The following ANKRD29 variants were observed in gnomAD, a reference collection of about 807,000 sequenced individuals.
ANKRD29 encodes ankyrin repeat domain-containing protein 29.
ANKRD29 carries 32 observed loss-of-function variants against 38.0 expected under a neutral mutation model. The ratio of observed to expected loss-of-function variants is 0.84; its 90% CI spans 0.64 to 1.13. The LOEUF is 1.13. ANKRD29 is among the 50% of genes most tolerant of loss of function. The pLI, the probability that ANKRD29 is intolerant of heterozygous loss-of-function variation, is 0.00. For missense variants in ANKRD29, 357 were observed against 377.9 expected (o/e 0.94, Z 0.46); for synonymous variants, 135 against 152.4 (o/e 0.89, Z 0.84).
intron 9 of ANKRD29, among the ~76,000 whole-genome samples, chr18:23,610,985 A>G (rs1027840520): frequency 6.6e-6 from 1 of 152,250 alleles, no homozygotes; most frequent in Non-Finnish European, 1.5e-5. Flanking sequence ...TGGCGCATGC[A>G]TTCTCTCAAG....
chr18:23,657,676 C>T (rs1001633793), intron 1 of ANKRD29, among the ~76,000 whole-genome samples: 8 of 152,208 alleles, frequency 5.3e-5, no homozygotes, highest in Non-Finnish European at 8.8e-5. Context: ...TAAATGGAAT[C>T]ATACAATATA....
At chr18:23,628,734 T>C (rs12956232) in intron 6 of ANKRD29, among the ~76,000 whole-genome samples, 88,841 of 151,402 alleles carry the variant, frequency 0.59, 27,099 homozygotes, top group Admixed American at 0.7. Flanking sequence ...TCCTAGCTAT[T>C]TGGGAGGCTG....
intron 6 of ANKRD29, among the ~76,000 whole-genome samples, chr18:23,628,127 G>T (rs1465668639): frequency 6.6e-6 from 1 of 152,148 alleles, no homozygotes; most frequent in East Asian, 1.9e-4. Context: ...AGATCATCAG[G>T]CTCATGCTGC....
intron 3 of ANKRD29, among the ~76,000 whole-genome samples, chr18:23,645,711 G>A (rs185302039): frequency 9.2e-5 from 14 of 152,310 alleles, no homozygotes; most frequent in African/African-American, 3.1e-4. Flanking sequence ...TGACCCATAC[G>A]GCTTTTTCCA....
chr18:23,622,823 T>A (rs2059812928), intron 6 of ANKRD29, among the ~76,000 whole-genome samples: 1 of 152,234 alleles, frequency 6.6e-6, no homozygotes, highest in Non-Finnish European at 1.5e-5. Flanking sequence ...CGCCTTGGTC[T>A]CCCACAGTGC....
chr18:23,627,675 T>C (rs1568024831), intron 6 of ANKRD29, among the ~76,000 whole-genome samples: 1 of 152,214 alleles, frequency 6.6e-6, no homozygotes, highest in East Asian at 1.9e-4. Context: ...TGCCAGAAAT[T>C]ATTTTGGAAG....
rs552502181 is a variant in ANKRD29 at position 23,623,894 on chromosome 18, C to T, written c.529-4265G>A. On this transcript the variant is annotated intron_variant, in intron 6 of 9. Transcript: ENST00000592179. ...TCCTGATCTTGTAATCTGCCCGCCT[C>T]GGCCTCCCAAAGTGCTGGGATTACA... Among the ~76,000 whole-genome samples the T allele has an allele frequency of 1.4e-4, 21 of 151,768 alleles. No individual in the cohort carries two copies. The East Asian group carries it at 3.9e-3, about 28-fold the overall frequency.
At chr18:23,644,391 A>C (rs1045022428) in intron 3 of ANKRD29, among the ~76,000 whole-genome samples, 2 of 152,236 alleles carry the variant, frequency 1.3e-5, no homozygotes, top group Non-Finnish European at 2.9e-5. Flanking sequence ...CATAAAGCAG[A>C]GAGGAAAAAT....
chr18:23,616,928 C>A (rs998987475), intron 8 of ANKRD29, among the ~76,000 whole-genome samples: 1 of 151,612 alleles, frequency 6.6e-6, no homozygotes, highest in African/African-American at 2.4e-5. Flanking sequence ...CAAAAATGAT[C>A]AAAATTTAGG....
At chr18:23,658,607 G>A (rs1210522296) in intron 1 of ANKRD29, among the ~76,000 whole-genome samples, 5 of 152,158 alleles carry the variant, frequency 3.3e-5, no homozygotes, top group Admixed American at 6.5e-5. Flanking sequence ...TATGTTGCAC[G>A]CAAGACAGAC....
chr18:23,650,007 T>C (rs891587222), intron 1 of ANKRD29, among the ~76,000 whole-genome samples: 78 of 150,328 alleles, frequency 5.2e-4, no homozygotes, highest in African/African-American at 1.9e-3. Flanking sequence ...GGATTACAGG[T>C]GTGAGCCACC....
chr18:23,661,383 C>G (rs558602395), intron 1 of ANKRD29, among the ~76,000 whole-genome samples: 1 of 152,188 alleles, frequency 6.6e-6, no homozygotes, highest in Non-Finnish European at 1.5e-5. Context: ...ATCTCTCTTG[C>G]CTTCCCTACT....
intron 1 of ANKRD29, chr18:23,649,644 C>A: frequency 2.2e-6 from 1 of 447,132 alleles, no homozygotes; most frequent in East Asian, 6.9e-5. Flanking sequence ...TTTACCTGCC[C>A]GTTTCCTAAG....
chr18:23,656,041 C>G (rs1254742550), intron 1 of ANKRD29, among the ~76,000 whole-genome samples: 2 of 145,654 alleles, frequency 1.4e-5, no homozygotes, highest in East Asian at 2.0e-4. Flanking sequence ...TGCAGTGAGC[C>G]GAGATCCCGC....
intron 1 of ANKRD29, among the ~76,000 whole-genome samples, chr18:23,660,230 A>G (rs1484221819): frequency 6.6e-6 from 1 of 152,266 alleles, no homozygotes; most frequent in African/African-American, 2.4e-5. Flanking sequence ...CTTGCTGATT[A>G]AAGCCATCCT....
chr18:23,612,055 T>C (rs2059649131), intron 9 of ANKRD29, 37 bp downstream of exon 9: 1 of 1,588,350 alleles, frequency 6.3e-7, no homozygotes, highest in Non-Finnish European at 8.6e-7. Flanking sequence ...GACACATCAA[T>C]GGGCCCAAAC....
chr18:23,649,244 A>C, intron 1 of ANKRD29, 51 bp from the exon 2 acceptor site: 1 of 1,330,646 alleles, frequency 7.5e-7, no homozygotes, highest in Non-Finnish European at 1.1e-6. Flanking sequence ...AGTTAACATG[A>C]CTGCTGCTAT....
chr18:23,605,677 C>T (rs987236436), intron 9 of ANKRD29, among the ~76,000 whole-genome samples: 62 of 151,992 alleles, frequency 4.1e-4, no homozygotes, highest in African/African-American at 1.3e-3. Context: ...CAGGCATGCG[C>T]GACCATGCCT....
chr18:23,629,509 C>T (rs1598492431), intron 6 of ANKRD29, among the ~76,000 whole-genome samples: 1 of 152,236 alleles, frequency 6.6e-6, no homozygotes, highest in East Asian at 1.9e-4. Flanking sequence ...ATCTGTTTAC[C>T]TATGTCCCAG....
Sources: allele counts gnomAD v4.1 joint callset (sites outside exome capture counted in the v4.1 genomes callset), GRCh38; gene constraint gnomAD v4.1.1; transcripts MANE v1.5; gene names NCBI Gene and HGNC (gene_info 2026-07-23, HGNC 2026-07-21).